Variants in MAPK10 observed in about 807,000 individuals in gnomAD.
The protein encoded by MAPK10 is JNK3 alpha protein kinase.
MAPK10 carries 25 observed loss-of-function variants against 59.3 expected under a neutral mutation model. The ratio of observed to expected loss-of-function variants is 0.42; its 90% confidence interval spans 0.31 to 0.59. The LOEUF (loss-of-function observed/expected upper bound fraction) is 0.59, where lower values mean the gene tolerates loss of function less well. MAPK10 is among the 20% of genes least tolerant of loss of function. The pLI, the probability that MAPK10 is intolerant of heterozygous loss-of-function variation, is 0.15. For missense variants in MAPK10, 351 were observed against 568.9 expected, an observed-to-expected ratio of 0.62 and a Z score of 3.90; for synonymous variants, 190 against 200.5, an observed-to-expected ratio of 0.95 and a Z score of 0.44.
At chr4:86,360,072 C>T (rs1051045763), upstream of MAPK10, 8 of 985,556 alleles carry the variant, frequency 8.1e-6, no homozygotes, top group African/African-American at 1.7e-5. Context: ...CCAGAGGAGA[C>T]GGACAGAGGG....
chr4:86,262,455 T>C (rs1187609086), intron 2 of MAPK10, among the ~76,000 whole-genome samples: 1 of 152,126 alleles, frequency 6.6e-6, no homozygotes, highest in Non-Finnish European at 1.5e-5. Flanking sequence ...GCCCCCACCT[T>C]CAGAGTTTAG....
chr4:86,027,793 A>G (rs1236333965), intron 13 of MAPK10: 1 of 152,260 alleles, frequency 6.6e-6, no homozygotes, highest in Non-Finnish European at 1.5e-5. Context: ...TCAATACGGG[A>G]TAATAAGACA....
intron 9 of MAPK10, among the ~76,000 whole-genome samples, chr4:86,076,214 T>C (rs980080318): frequency 2.0e-5 from 3 of 152,168 alleles, no homozygotes; most frequent in Admixed American, 2.0e-4. Flanking sequence ...TGACCCCTTG[T>C]GCTTCCCAGG....
At chr4:86,022,182 T>C (rs1419957970) in intron 13 of MAPK10, among the ~76,000 whole-genome samples, 1 of 152,230 alleles carries the variant, frequency 6.6e-6, no homozygotes, top group Admixed American at 6.5e-5. Flanking sequence ...AAAACTGTTT[T>C]CTAAAGTGGG....
rs562093322 is a variant in MAPK10, at chr4:86,391,378, C to A, written c.-121-36734G>T. ...ATACTTTAGATTTTTACCTTGTGGT[C>A]ATACAAGTCAGAGTAGTTCAGTCTT... On this transcript the variant is annotated intron_variant, in intron 1 of 13. Coordinates refer to the MAPK10 transcript ENST00000361569. Among the ~76,000 whole-genome samples, 6 of 152,318 alleles carry A rather than the reference C, an allele frequency of 3.9e-5. No individual in the cohort carries two copies. In the South Asian group the frequency reaches 1.2e-3, roughly 32 times the overall value.
At chr4:86,057,442 C>A (rs2044812924) in intron 11 of MAPK10, among the ~76,000 whole-genome samples, 3 of 149,822 alleles carry the variant, frequency 2.0e-5, no homozygotes, top group Admixed American at 2.0e-4. Flanking sequence ...AAACCATACA[C>A]CAAACAAGTT....
intron 3 of MAPK10, among the ~76,000 whole-genome samples, chr4:86,186,958 T>G (rs1414985628): frequency 6.6e-6 from 1 of 152,142 alleles, no homozygotes; most frequent in Non-Finnish European, 1.5e-5. Context: ...AGTATACCAT[T>G]GTTTGTCATT....
At chr4:86,468,015 C>T (rs900396767) in intron 1 of MAPK10, among the ~76,000 whole-genome samples, 7 of 152,184 alleles carry the variant, frequency 4.6e-5, no homozygotes, top group East Asian at 1.9e-4. Context: ...CTGCTTGCCC[C>T]GCCGGTCGGC....
Position 86,225,154 on chromosome 4 carries a change from G to A in MAPK10, c.-6-30747C>T, listed in dbSNP as rs142587711. On this transcript the variant is annotated intron_variant, in intron 2 of 13. Transcript: ENST00000641462. ...CTGAAGCTGTTATCCCTAGAAATCCGTGCTTGGAAGTTTGGCCCTGAGCTG... is the reference window on the plus strand; with the variant it reads ...CTGAAGCTGTTATCCCTAGAAATCCATGCTTGGAAGTTTGGCCCTGAGCTG... 7.9e-5 allele frequency among the ~76,000 whole-genome samples: 12 copies of A among 152,252 alleles called. 1 individual carries two copies. Among genetic ancestry groups the A allele is most frequent in the Admixed American group, 2.0e-4 (3 of 15,292 alleles).
chr4:86,413,187 G>T (rs1243271665), intron 1 of MAPK10, among the ~76,000 whole-genome samples: 2 of 152,142 alleles, frequency 1.3e-5, no homozygotes, highest in Non-Finnish European at 2.9e-5. Flanking sequence ...GTTGGAGTTT[G>T]CTGGAGGTCC....
At chr4:86,164,253 C>A (rs891847689) in intron 3 of MAPK10, among the ~76,000 whole-genome samples, 2 of 151,944 alleles carry the variant, frequency 1.3e-5, no homozygotes, top group Non-Finnish European at 2.9e-5. Flanking sequence ...GTCTAGCTCA[C>A]GGTAAAAGAT....
chr4:86,265,236 C>T lies in MAPK10; in HGVS notation c.-6-70829G>A, dbSNP rs377454333. On this transcript the variant is annotated intron_variant, in intron 2 of 13. Coordinates refer to ENST00000641462, the MANE Select transcript of MAPK10 (RefSeq NM_138982.4). ...CCTTAAAAAGTATTATGATATGGGCCGGACACAGTGGCTTATGCTTGTAAT... is the reference window on the plus strand; with the variant it reads ...CCTTAAAAAGTATTATGATATGGGCTGGACACAGTGGCTTATGCTTGTAAT... Among the ~76,000 whole-genome samples, 326 of 152,020 alleles carry T rather than the reference C, an allele frequency of 2.1e-3. 16 individuals are homozygous for T. The South Asian group carries it at 0.055, about 25-fold the overall frequency.
chr4:86,021,703 T>G (rs1350820833), intron 13 of MAPK10, among the ~76,000 whole-genome samples: 1 of 151,996 alleles, frequency 6.6e-6, no homozygotes, highest in Non-Finnish European at 1.5e-5. Flanking sequence ...GCCCATGGAG[T>G]GGGTGGGAGG....
At chr4:86,098,498 A>G in intron 9 of MAPK10, 26 bp downstream of exon 9, 1 of 1,611,044 alleles carries the variant, frequency 6.2e-7, no homozygotes, top group Non-Finnish European at 8.5e-7. Flanking sequence ...AAACAGGTAA[A>G]GCTGTAGCAA....
intron 11 of MAPK10, among the ~76,000 whole-genome samples, chr4:86,050,119 C>G (rs2043238079): frequency 6.6e-6 from 1 of 152,102 alleles, no homozygotes; most frequent in Non-Finnish European, 1.5e-5. Flanking sequence ...TTCTACTCTT[C>G]CACCTCCATT....
chr4:86,364,495 G>T (rs1737513602), upstream of MAPK10, among the ~76,000 whole-genome samples: 1 of 152,168 alleles, frequency 6.6e-6, no homozygotes. Flanking sequence ...AAGAGTGATA[G>T]ATTCCAACCT....
chr4:86,397,864 CAAAAA>C (rs759585442), intron 1 of MAPK10, among the ~76,000 whole-genome samples: 4 of 51,756 alleles, frequency 7.7e-5, no homozygotes, highest in Admixed American at 2.3e-4. Flanking sequence ...TCTGCTATGG[CAAAAA>C]AAAAAAAAAA....
At chr4:86,128,857 A>T (rs2060524331) in intron 4 of MAPK10, among the ~76,000 whole-genome samples, 1 of 152,114 alleles carries the variant, frequency 6.6e-6, no homozygotes, top group Non-Finnish European at 1.5e-5. Context: ...TAAGGTTATT[A>T]GAATTTTCAA....
intron 2 of MAPK10, among the ~76,000 whole-genome samples, chr4:86,247,040 A>G (rs1018917887): frequency 7.2e-5 from 11 of 152,226 alleles, no homozygotes; most frequent in African/African-American, 2.7e-4. Context: ...TCAGCCAGAG[A>G]GAATAAGGAT....
Sources: allele counts gnomAD v4.1 joint callset (sites outside exome capture counted in the v4.1 genomes callset), GRCh38; gene constraint gnomAD v4.1.1; transcripts MANE v1.5; gene names NCBI Gene and HGNC (gene_info 2026-07-23, HGNC 2026-07-21).